DTNBP1: variants seen among roughly 807,000 people sequenced by gnomAD.
DTNBP1 encodes the protein dysbindin.
A neutral mutation model predicts 42.8 loss-of-function variants in DTNBP1; 35 were observed. The observed-to-expected ratio is 0.82, with a 90% CI of 0.63 to 1.09. The LOEUF (loss-of-function observed/expected upper bound fraction) is 1.09. Among genes scored for constraint, DTNBP1 ranks in the 50% least tolerant of loss-of-function variants. The pLI is 0.00. For synonymous variants in DTNBP1, 171 were observed against 162.2 expected (o/e 1.05, Z -0.41); for missense variants, 457 against 424.2 (o/e 1.08, Z -0.68).
At chr6:15,624,744 C>T (rs999405454) in intron 5 of DTNBP1, among the ~76,000 whole-genome samples, 8 of 151,578 alleles carry the variant, frequency 5.3e-5, no homozygotes, top group Non-Finnish European at 7.4e-5. Context: ...TTTATTATTG[C>T]TTAACTATTT....
intron 7 of DTNBP1, among the ~76,000 whole-genome samples, chr6:15,541,275 A>G (rs1004460323): frequency 3.3e-5 from 5 of 152,204 alleles, no homozygotes; most frequent in Admixed American, 2.0e-4. Context: ...GAAATCATCA[A>G]TTGGGCCTGC....
At chr6:15,558,497 C>A (rs1774653519) in intron 7 of DTNBP1, among the ~76,000 whole-genome samples, 1 of 152,062 alleles carries the variant, frequency 6.6e-6, no homozygotes, top group Non-Finnish European at 1.5e-5. Flanking sequence ...GAACTCCTGA[C>A]CTCAGGTGAT....
chr6:15,590,469 C>A (rs544376743), intron 7 of DTNBP1, among the ~76,000 whole-genome samples: 3 of 152,302 alleles, frequency 2.0e-5, no homozygotes, highest in South Asian at 4.1e-4. Flanking sequence ...CCTACCTCAT[C>A]CACTGGCTCT....
intron 5 of DTNBP1, among the ~76,000 whole-genome samples, chr6:15,616,588 C>T (rs1758730336): frequency 6.6e-6 from 1 of 152,222 alleles, no homozygotes; most frequent in Non-Finnish European, 1.5e-5. Flanking sequence ...GCTGTGCAGC[C>T]TTCCAGTCTT....
chr6:15,651,536 GTAACA>G (rs1760998212), intron 2 of DTNBP1, 173 bp from the exon 3 acceptor site: 1 of 801,928 alleles, frequency 1.2e-6, no homozygotes. Flanking sequence ...TGTACTGTAT[GTAACA>G]CACTATCAAC....
chr6:15,558,910 G>A (rs1462324289), intron 7 of DTNBP1, among the ~76,000 whole-genome samples: 1 of 152,174 alleles, frequency 6.6e-6, no homozygotes, highest in East Asian at 1.9e-4. Flanking sequence ...TTATGTTATA[G>A]GTCATTTTAA....
intron 6 of DTNBP1, among the ~76,000 whole-genome samples, chr6:15,608,921 G>A (rs190237384): frequency 2.6e-5 from 4 of 152,026 alleles, no homozygotes; most frequent in Admixed American, 1.3e-4. Flanking sequence ...TCATTTTGTC[G>A]GGCACTTCAT....
At chr6:15,645,482 C>CA (rs1760622028) in intron 3 of DTNBP1, among the ~76,000 whole-genome samples, 1 of 151,634 alleles carries the variant, frequency 6.6e-6, no homozygotes, top group South Asian at 2.1e-4. Flanking sequence ...AATGACATAA[C>CA]AAAAAAAGAA....
At position 15,522,952 on chromosome 6, in the gene DTNBP1, C is replaced by T. The variant is rs1485482864; in HGVS notation, c.*23G>A. ...CAGCCAAAACTGGATTCCAGTGTGG[C>T]CAGACAACGCCCATGTCCCAATTTA... On this transcript the variant is annotated 3_prime_UTR_variant, in exon 10 of 10. Coordinates refer to ENST00000344537, the MANE Select transcript of DTNBP1 (RefSeq NM_032122.5). 1 of 1,614,230 alleles carries T rather than the reference C, an allele frequency of 6.2e-7. No homozygotes were observed.
At chr6:15,656,782 C>G (rs1270249549) in intron 1 of DTNBP1, among the ~76,000 whole-genome samples, 1 of 152,102 alleles carries the variant, frequency 6.6e-6, no homozygotes, top group Admixed American at 6.6e-5. Context: ...TGTAGATAAA[C>G]AGAATGATGC....
chr6:15,523,413 T>C, intron 9 of DTNBP1, 194 bp from the exon 10 acceptor site: 2 of 1,241,262 alleles, frequency 1.6e-6, no homozygotes, highest in Non-Finnish European at 2.2e-6. Context: ...CCTCAGGCCC[T>C]GCGGTGACCC....
At chr6:15,590,409 T>C (rs573118400) in intron 7 of DTNBP1, among the ~76,000 whole-genome samples, 1 of 152,304 alleles carries the variant, frequency 6.6e-6, no homozygotes, top group East Asian at 1.9e-4. Flanking sequence ...CTCTGTAGTT[T>C]TTTTGTCACT....
chr6:15,661,653 AG>A (rs1313917408), intron 1 of DTNBP1, among the ~76,000 whole-genome samples: 3 of 38,972 alleles, frequency 7.7e-5, no homozygotes, highest in African/African-American at 3.1e-4. Context: ...CTCAAAAAAA[AG>A]GGGGGTGGGG....
intron 3 of DTNBP1, among the ~76,000 whole-genome samples, chr6:15,646,460 T>C (rs1581432003): frequency 6.6e-6 from 1 of 151,750 alleles, no homozygotes; most frequent in East Asian, 1.9e-4. Flanking sequence ...ATCTACAGAT[T>C]CAGTGCAATT....
At chr6:15,603,627 C>A (rs1184112779) in intron 6 of DTNBP1, among the ~76,000 whole-genome samples, 3 of 152,150 alleles carry the variant, frequency 2.0e-5, no homozygotes, top group Non-Finnish European at 4.4e-5. Flanking sequence ...CCTATAAATA[C>A]TCTTGAGCTT....
chr6:15,591,348 G>A (rs1439793870), intron 7 of DTNBP1, among the ~76,000 whole-genome samples: 2 of 151,838 alleles, frequency 1.3e-5, no homozygotes, highest in African/African-American at 2.4e-5. Context: ...GATCCCCCTC[G>A]GCCTCCCAAA....
chr6:15,555,194 C>T (rs1416896438), intron 7 of DTNBP1, among the ~76,000 whole-genome samples: 1 of 149,120 alleles, frequency 6.7e-6, no homozygotes, highest in Non-Finnish European at 1.5e-5. Context: ...AATACGCACA[C>T]AAGATAAAAC....
intron 6 of DTNBP1, among the ~76,000 whole-genome samples, chr6:15,602,559 C>G (rs1776772032): frequency 6.6e-6 from 1 of 152,136 alleles, no homozygotes; most frequent in Admixed American, 6.6e-5. Context: ...GGAACATAAA[C>G]TCCAACACAA....
chr6:15,658,300 T>A (rs1761395370), intron 1 of DTNBP1, among the ~76,000 whole-genome samples: 1 of 152,224 alleles, frequency 6.6e-6, no homozygotes, highest in Non-Finnish European at 1.5e-5. Flanking sequence ...ATTTTCTCTT[T>A]AAGATGATGA....
Sources: allele counts gnomAD v4.1 joint callset (sites outside exome capture counted in the v4.1 genomes callset), GRCh38; gene constraint gnomAD v4.1.1; transcripts MANE v1.5; gene names NCBI Gene and HGNC (gene_info 2026-07-23, HGNC 2026-07-21).